SCN7A: variants seen among roughly 807,000 people sequenced by gnomAD.
The protein encoded by SCN7A is sodium channel protein type 7 subunit alpha.
SCN7A carries 138 observed loss-of-function variants against 155.2 expected under a neutral mutation model. The ratio of observed to expected loss-of-function variants is 0.89; its 90% CI spans 0.77 to 1.02. The LOEUF (loss-of-function observed/expected upper bound fraction) is 1.02, where lower values mean the gene tolerates loss of function less well. SCN7A is among the 50% of genes least tolerant of loss of function. The pLI is 0.00. For missense variants in SCN7A, 2,058 were observed against 1,986.6 expected (o/e 1.04, Z -0.68); for synonymous variants, 693 against 649.0 (o/e 1.07, Z -1.03).
intron 15 of SCN7A, among the ~76,000 whole-genome samples, chr2:166,432,960 G>A (rs1701766169): frequency 6.6e-6 from 1 of 151,974 alleles, no homozygotes; most frequent in Non-Finnish European, 1.5e-5. Flanking sequence ...CTGTAATTAT[G>A]TGTCCTTTGA....
chr2:166,480,240 G>T (rs573037746), intron 2 of SCN7A, among the ~76,000 whole-genome samples: 2 of 152,052 alleles, frequency 1.3e-5, no homozygotes, highest in South Asian at 2.1e-4. Context: ...GGCAGATCAC[G>T]AGGTCTGGAG....
At position 166,472,380 on chromosome 2, in the gene SCN7A, G is replaced by T; in HGVS notation, c.509C>A (p.Ala170Glu). Residue 170 changes from alanine to glutamate, a missense_variant, in exon 6 of 26, where the codon GCA (alanine) becomes GAA (glutamate). By Grantham distance (107) the Ala-to-Glu change is moderately radical. Transcript: ENST00000643258. ...ATCACCGAGGAAGGAAAATGATCCTGCCCAGACACCTCTTGCAAAGAGTTT... is the reference window on the plus strand; with the variant it reads ...ATCACCGAGGAAGGAAAATGATCCTTCCCAGACACCTCTTGCAAAGAGTTT... ...LVKLFARGVW[A>E]GSFSFLGDPW... 6.2e-7 allele frequency: 1 copy of T among 1,608,184 alleles called. No homozygotes were observed. The highest frequency in any genetic ancestry group is 8.5e-7 in the Non-Finnish European group (1 of 1,176,304).
chr2:166,475,430 TAC>T (rs1482667099), intron 3 of SCN7A, among the ~76,000 whole-genome samples: 1 of 151,188 alleles, frequency 6.6e-6, no homozygotes, highest in Non-Finnish European at 1.5e-5. Flanking sequence ...AGTACAAATA[TAC>T]ATTCAACAAT....
At chr2:166,465,708 A>G in intron 8 of SCN7A, 73 bp downstream of exon 8, 1 of 1,503,952 alleles carries the variant, frequency 6.6e-7, no homozygotes, top group Non-Finnish European at 9.2e-7. Context: ...TGAGTGTTCA[A>G]CATTTCTGGG....
intron 14 of SCN7A, among the ~76,000 whole-genome samples, chr2:166,442,614 T>C (rs1229966227): frequency 1.3e-5 from 2 of 152,140 alleles, no homozygotes; most frequent in Non-Finnish European, 2.9e-5. Context: ...TCCAAATTCC[T>C]GGCCTCACTT....
At chr2:166,408,733 A>G (rs1701130857) in intron 25 of SCN7A, among the ~76,000 whole-genome samples, 1 of 151,924 alleles carries the variant, frequency 6.6e-6, no homozygotes, top group Non-Finnish European at 1.5e-5. Flanking sequence ...CTGGGCAAAC[A>G]GTTTATCTAT....
At chr2:166,473,956 T>C (rs1019590845) in intron 4 of SCN7A, 68 bp from the exon 5 acceptor site, 3 of 830,556 alleles carry the variant, frequency 3.6e-6, no homozygotes, top group South Asian at 2.1e-5. Flanking sequence ...ATGATATATA[T>C]TTCTTAAATG....
rs117580709 is a variant in SCN7A, at chr2:166,415,681, T to C, written c.3414+1026A>G. ...AAATTAATACTTTTATACTTTCTTATGACTGTCTTACTTTGATCTCTTAAT... is the reference window on the plus strand; with the variant it reads ...AAATTAATACTTTTATACTTTCTTACGACTGTCTTACTTTGATCTCTTAAT... On this transcript the variant is annotated intron_variant, in intron 21 of 25. Coordinates refer to ENST00000643258, the MANE Select transcript of SCN7A (RefSeq NM_002976.4). 5.0e-3 allele frequency among the ~76,000 whole-genome samples: 769 copies of C among 152,284 alleles called. 38 individuals are homozygous for C. The East Asian group carries it at 0.11, about 22-fold the overall frequency.
chr2:166,405,513 T>C lies in SCN7A; in HGVS notation c.*67A>G, dbSNP rs1408697708. 9 of 1,186,076 alleles carry C rather than the reference T, an allele frequency of 7.6e-6. No individual in the cohort carries two copies. The highest frequency in any genetic ancestry group is 8.3e-6 in the Non-Finnish European group (7 of 844,848). The allele number at this position is 1,186,076 out of a possible 1,614,324, so 73.5% of individuals were successfully genotyped here. ...GATTATTATCTCTACTTTTCTTTTA[T>C]TCCTGGCTTAGGCTTTCAACATTTT... On this transcript the variant is annotated 3_prime_UTR_variant, in exon 26 of 26. Coordinates refer to ENST00000643258, the MANE Select transcript of SCN7A (RefSeq NM_002976.4).
At chr2:166,492,693 C>T (rs919762382) in intron 1 of SCN7A, among the ~76,000 whole-genome samples, 2 of 152,122 alleles carry the variant, frequency 1.3e-5, no homozygotes, top group African/African-American at 4.8e-5. Flanking sequence ...TGTCAAAGCC[C>T]TCTGTATGCT....
intron 21 of SCN7A, among the ~76,000 whole-genome samples, chr2:166,414,240 A>ATG (rs1701295414): frequency 1.1e-5 from 1 of 87,052 alleles, no homozygotes; most frequent in Non-Finnish European, 2.2e-5. Flanking sequence ...ATATCTATAT[A>ATG]TGTAAATATA....
At chr2:166,424,110 T>C (rs1701570838) in intron 18 of SCN7A, among the ~76,000 whole-genome samples, 1 of 152,076 alleles carries the variant, frequency 6.6e-6, no homozygotes, top group African/African-American at 2.4e-5. Flanking sequence ...TAATCTCATA[T>C]AAAGAATGAT....
At chr2:166,417,365 CG>C (rs1286713710) in intron 20 of SCN7A, among the ~76,000 whole-genome samples, 1 of 151,838 alleles carries the variant, frequency 6.6e-6, no homozygotes, top group Non-Finnish European at 1.5e-5. Flanking sequence ...CCCAACTACT[CG>C]GGAGGCTGAG....
At chr2:166,480,345 C>T (rs1190754550) in intron 2 of SCN7A, among the ~76,000 whole-genome samples, 1 of 151,932 alleles carries the variant, frequency 6.6e-6, no homozygotes, top group African/African-American at 2.4e-5. Flanking sequence ...GTAGTCCCAG[C>T]TACTCGAGAG....
In SCN7A at chr2:166,406,008, A is replaced by T; in HGVS notation, c.4621T>A (p.Phe1541Ile). Residue 1541 changes from phenylalanine to isoleucine, a missense_variant, in exon 26 of 26, where the codon TTT becomes ATT. Coordinates refer to ENST00000643258, the MANE Select transcript of SCN7A (RefSeq NM_002976.4). ...AGAGGAGGATCAAGAGCAGCTGCAAAATCTGAAAGCTTGCTAGAGTCTATG... is the reference window on the plus strand; with the variant it reads ...AGAGGAGGATCAAGAGCAGCTGCAATATCTGAAAGCTTGCTAGAGTCTATG... ...QYIDSSKLSD[F>I]AAALDPPLFM... The T allele has an allele frequency of 6.2e-7, 1 of 1,612,928 alleles. No individual in the cohort carries two copies. Among genetic ancestry groups the T allele is most frequent in the South Asian group, 1.1e-5 (1 of 91,020 alleles).
chr2:166,440,912 T>A (rs1384026413), intron 15 of SCN7A: 1 of 160,106 alleles, frequency 6.2e-6, no homozygotes, highest in Admixed American at 6.4e-5. Flanking sequence ...ACAGCATGAA[T>A]ATGCTAGACA....
rs114960320 is a variant in SCN7A at position 166,447,707 on chromosome 2, G to T, written c.1292C>A (p.Ala431Asp). The T allele has an allele frequency of 1.4e-4, 230 of 1,609,296 alleles. 1 individual carries two copies. The African/African-American group carries it at 2.8e-3, about 19-fold the overall frequency. The change falls in exon 12 of 26, where the codon GCC (alanine) becomes GAC (aspartate). Residue 431 changes from alanine to aspartate, a missense_variant and splice_region_variant. Physicochemically the swap from Ala to Asp is moderately radical, Grantham distance 126. Transcript: ENST00000643258. ...CTTCATTTCTATTTGTATGGTCTTG[G>T]CCTGAAAAGGAATTTGATGGTTTAA... ...ELQEGNETDEAKTIQIEMKKR... is the reference protein window; with the variant it reads ...ELQEGNETDEDKTIQIEMKKR...
At chr2:166,484,695 A>G (rs1046860527) in intron 2 of SCN7A, among the ~76,000 whole-genome samples, 1 of 152,010 alleles carries the variant, frequency 6.6e-6, no homozygotes, top group Non-Finnish European at 1.5e-5. Context: ...AAAATGACAC[A>G]TTATAAATTA....
chr2:166,408,293 A>T (rs1273634291), intron 25 of SCN7A, among the ~76,000 whole-genome samples: 1 of 151,968 alleles, frequency 6.6e-6, no homozygotes, highest in Non-Finnish European at 1.5e-5. Flanking sequence ...TTCATTGAAG[A>T]CTTCAATAAT....
Sources: gnomAD v4.1 joint callset for allele counts (sites outside exome capture counted in the v4.1 genomes callset) on GRCh38, gnomAD v4.1.1 for gene constraint, MANE v1.5 for transcripts, NCBI Gene and HGNC (gene_info 2026-07-23, HGNC 2026-07-21) for gene names.